The following ASH1L variants were observed in gnomAD, a reference collection of about 807,000 sequenced individuals.
The protein encoded by ASH1L is ASH1 like histone lysine methyltransferase.
Under a neutral mutation model 269.0 loss-of-function variants are expected in ASH1L, and 23 were observed. The ratio of observed to expected loss-of-function variants is 0.09; its 90% CI spans 0.06 to 0.12. The LOEUF is 0.12. Ranked by LOEUF, ASH1L falls within the 10% of genes least tolerant of loss-of-function variation. The pLI is 1.00. For synonymous variants in ASH1L, 1,187 were observed against 1,253.5 expected (o/e 0.95, Z 1.12); for missense variants, 2,912 against 3,567.8 (o/e 0.82, Z 4.68).
chr1:155,434,503 T>TA (rs777553969), intron 5 of ASH1L, among the ~76,000 whole-genome samples: 3,347 of 70,144 alleles, frequency 0.048, 65 homozygotes, highest in South Asian at 0.09. Context: ...TGGGACACAG[T>TA]AAAAAAAAAA....
At chr1:155,446,829 T>C (rs1473554104) in intron 4 of ASH1L, among the ~76,000 whole-genome samples, 1 of 150,338 alleles carries the variant, frequency 6.7e-6, no homozygotes, top group Non-Finnish European at 1.5e-5. Context: ...TTCATCGTGA[T>C]CCTGACCTCG....
At chr1:155,562,912 C>G (rs776710192), upstream of ASH1L, 1 of 455,012 alleles carries the variant, frequency 2.2e-6, no homozygotes, top group Non-Finnish European at 4.4e-6. Context: ...CCCCTACCAC[C>G]CTCCACCCCT....
intron 3 of ASH1L, among the ~76,000 whole-genome samples, chr1:155,469,883 T>C (rs1450931644): frequency 6.6e-6 from 1 of 152,202 alleles, no homozygotes; most frequent in African/African-American, 2.4e-5. Flanking sequence ...TCATACCTTA[T>C]AAAGTAAACT....
intron 2 of ASH1L, among the ~76,000 whole-genome samples, chr1:155,502,628 T>C (rs1032516304): frequency 1.4e-4 from 21 of 152,298 alleles, no homozygotes; most frequent in Admixed American, 1.2e-3. Flanking sequence ...CAATGTGCTA[T>C]ATGTTAAAAA....
Position 155,387,253 on chromosome 1 carries a change from C to T in ASH1L, c.6104-7137G>A, listed in dbSNP as rs935750123. Among the ~76,000 whole-genome samples the T allele has an allele frequency of 9.9e-5, 15 of 152,168 alleles. 1 individual carries two copies. The highest frequency in any genetic ancestry group is 2.9e-4 in the African/African-American group (12 of 41,434). On this transcript the variant is annotated intron_variant, in intron 7 of 27. Coordinates refer to ENST00000392403, the MANE Select transcript of ASH1L (RefSeq NM_018489.3). ...CCTCCCAAAGTGCTGGGATTACAGG[C>T]GTGAGCCACCACGCCTGGCCTACAT...
chr1:155,388,643 AC>A (rs1280444359), intron 7 of ASH1L, among the ~76,000 whole-genome samples: 1 of 143,928 alleles, frequency 6.9e-6, no homozygotes, highest in Non-Finnish European at 1.5e-5. Context: ...GCTCAATACA[AC>A]CCCAGCCTTT....
Position 155,368,018 on chromosome 1 carries a change from TTAAA to T in ASH1L, c.6686+2482_6686+2485del, listed in dbSNP as rs1391734369. Among the ~76,000 whole-genome samples, 4 of 152,180 alleles carry T rather than the reference TTAAA, an allele frequency of 2.6e-5. No individual in the cohort carries two copies. The East Asian group carries it at 7.7e-4, about 29-fold the overall frequency. On this transcript the variant is annotated intron_variant, in intron 12 of 27. Transcript: ENST00000392403. ...TTTCTTCTTCTTCGTCTTCATTTTTTTAAATAGACACAGGGTCTCTGTCACCCAG... is the reference window on the plus strand; with the variant it reads ...TTTCTTCTTCTTCGTCTTCATTTTTTTAGACACAGGGTCTCTGTCACCCAG...
chr1:155,393,386 T>C (rs1027542365), intron 7 of ASH1L, among the ~76,000 whole-genome samples: 3 of 152,118 alleles, frequency 2.0e-5, no homozygotes, highest in Admixed American at 6.6e-5. Flanking sequence ...AAGAGAATCA[T>C]AGTTGAAGAA....
intron 2 of ASH1L, among the ~76,000 whole-genome samples, chr1:155,511,041 A>G (rs572021188): frequency 5.3e-5 from 8 of 152,330 alleles, no homozygotes; most frequent in South Asian, 2.1e-4. Context: ...TTTTAAAATA[A>G]AAATTTCCAA....
At chr1:155,522,073 T>C (rs1668924925) in intron 1 of ASH1L, among the ~76,000 whole-genome samples, 1 of 152,234 alleles carries the variant, frequency 6.6e-6, no homozygotes, top group Non-Finnish European at 1.5e-5. Flanking sequence ...TTACACATTG[T>C]ATGCCTGCAT....
At chr1:155,456,924 A>C (rs1218774316) in intron 4 of ASH1L, among the ~76,000 whole-genome samples, 2 of 152,198 alleles carry the variant, frequency 1.3e-5, no homozygotes, top group African/African-American at 4.8e-5. Flanking sequence ...CATTGACACA[A>C]GACTTAACCA....
At position 155,562,278 on chromosome 1, in the gene ASH1L, G is replaced by C. The variant is rs1424757064; in HGVS notation, c.-225C>G. 6.2e-7 allele frequency: 1 copy of C among 1,606,924 alleles called. No individual in the cohort carries two copies. ...GGATCCCTCCCGCTTGTCAGGAGGCGGCCAGCGGGTAAGCTGACTGGCGGA... is the reference window on the plus strand; with the variant it reads ...GGATCCCTCCCGCTTGTCAGGAGGCCGCCAGCGGGTAAGCTGACTGGCGGA... On this transcript the variant is annotated 5_prime_UTR_variant, in exon 1 of 28. Transcript: ENST00000392403.
intron 1 of ASH1L, among the ~76,000 whole-genome samples, chr1:155,555,141 CAAAA>C (rs546459143): frequency 4.3e-5 from 4 of 94,112 alleles, no homozygotes; most frequent in Admixed American, 1.3e-4. Flanking sequence ...GAAACCGTCT[CAAAA>C]AAAAAAAAAA....
At chr1:155,529,024 A>C (rs1024287948) in intron 1 of ASH1L, among the ~76,000 whole-genome samples, 1 of 151,872 alleles carries the variant, frequency 6.6e-6, no homozygotes, top group African/African-American at 2.4e-5. Context: ...TGCCAAGTAC[A>C]TGATCTCATT....
chr1:155,338,995 C>G (rs1399351677), intron 26 of ASH1L, among the ~76,000 whole-genome samples: 2 of 152,214 alleles, frequency 1.3e-5, no homozygotes, highest in African/African-American at 4.8e-5. Flanking sequence ...CTGGCTACAT[C>G]TGTTCCTTGA....
At chr1:155,550,091 G>C (rs1671095996) in intron 1 of ASH1L, among the ~76,000 whole-genome samples, 1 of 151,802 alleles carries the variant, frequency 6.6e-6, no homozygotes, top group South Asian at 2.1e-4. Context: ...CGTAATCTCA[G>C]TTCACTGCAA....
chr1:155,409,705 A>G (rs1030113453), intron 6 of ASH1L, among the ~76,000 whole-genome samples: 2 of 152,134 alleles, frequency 1.3e-5, no homozygotes, highest in South Asian at 4.1e-4. Flanking sequence ...GCCTCAAGTG[A>G]TCCTCCAGCC....
intron 2 of ASH1L, among the ~76,000 whole-genome samples, chr1:155,520,600 T>C (rs954885424): frequency 6.6e-6 from 1 of 151,710 alleles, no homozygotes; most frequent in African/African-American, 2.4e-5. Flanking sequence ...TGGTGGCTCA[T>C]GCCTGTAATC....
Position 155,562,424 on chromosome 1 carries a change from G to GGGCGGC in ASH1L, c.-372_-371insGCCGCC. On this transcript the variant is annotated 5_prime_UTR_variant, in exon 1 of 28. Coordinates refer to ENST00000392403, the MANE Select transcript of ASH1L (RefSeq NM_018489.3). The stretch of plus-strand genomic sequence containing the variant: ...CAAAGCGAACCCAAAATGGCGGCGG[G>GGGCGGC]AGCGGCGGCGGCGGCGGCGGCAGCA... The GGGCGGC allele has an allele frequency of 6.8e-7, 1 of 1,480,540 alleles. No homozygotes were observed. The highest frequency in any genetic ancestry group is 9.2e-7 in the Non-Finnish European group (1 of 1,092,136). 91.7% of individuals were successfully genotyped at this position (1,480,540 alleles called of 1,614,324 possible).
Sources: gnomAD v4.1 joint callset for allele counts (sites outside exome capture counted in the v4.1 genomes callset) on GRCh38, gnomAD v4.1.1 for gene constraint, MANE v1.5 for transcripts, NCBI Gene and HGNC (gene_info 2026-07-23, HGNC 2026-07-21) for gene names.